Variants in SEMA3D observed in about 807,000 individuals in gnomAD.
SEMA3D encodes semaphorin 3D, also known as semaphorin-3D.
SEMA3D carries 84 observed loss-of-function variants against 100.1 expected under a neutral mutation model. The ratio of observed to expected loss-of-function variants is 0.84; its 90% CI spans 0.70 to 1.01. The LOEUF is 1.01. Ranked by LOEUF, SEMA3D falls within the 50% of genes least tolerant of loss-of-function variation. The pLI, the probability that SEMA3D is intolerant of heterozygous loss-of-function variation, is 0.00. For synonymous variants in SEMA3D, 312 were observed against 320.7 expected (o/e 0.97, Z 0.29); for missense variants, 875 against 934.1 (o/e 0.94, Z 0.82).
intron 1 of SEMA3D, among the ~76,000 whole-genome samples, chr7:85,177,813 G>A (rs1791281061): frequency 6.6e-6 from 1 of 152,190 alleles, no homozygotes. Flanking sequence ...GTAAATGGAA[G>A]TAGAGGAAAA....
chr7:85,141,341 T>C lies in SEMA3D; in HGVS notation c.-41+12267A>G, dbSNP rs1323309355. The C allele has an allele frequency of 4.1e-6, 4 of 984,558 alleles. No individual in the cohort carries two copies. In the Admixed American group the frequency reaches 1.8e-4, roughly 45 times the overall value. 61.0% of individuals were successfully genotyped at this position (984,558 alleles called of 1,614,324 possible). On this transcript the variant is annotated intron_variant, in intron 2 of 18. Coordinates refer to ENST00000284136, the MANE Select transcript of SEMA3D (RefSeq NM_001384900.1). ...CTTAATAATTTATTTCAAAACCATATGTCAACTAACTGCACAGTATGCCCT... is the reference window on the plus strand; with the variant it reads ...CTTAATAATTTATTTCAAAACCATACGTCAACTAACTGCACAGTATGCCCT...
the SEMA3D span, among the ~76,000 whole-genome samples, chr7:85,226,857 T>C: frequency 6.6e-6 from 1 of 152,186 alleles, no homozygotes; most frequent in Non-Finnish European, 1.5e-5. Flanking sequence ...CGTACTTCTT[T>C]ATTGAGTTTA....
intron 18 of SEMA3D, among the ~76,000 whole-genome samples, chr7:85,005,031 G>C (rs993719791): frequency 2.0e-5 from 3 of 151,756 alleles, no homozygotes; most frequent in Non-Finnish European, 4.4e-5. Context: ...GCAAATGTAA[G>C]TATCTAGAGC....
At chr7:85,052,205 G>C (rs1211601620) in intron 9 of SEMA3D, among the ~76,000 whole-genome samples, 4 of 151,894 alleles carry the variant, frequency 2.6e-5, no homozygotes, top group Admixed American at 2.0e-4. Flanking sequence ...AGGTCTCCCA[G>C]TCACAAATAT....
chr7:85,092,685 CATATT>C (rs1215678523), intron 4 of SEMA3D, among the ~76,000 whole-genome samples: 1 of 151,798 alleles, frequency 6.6e-6, no homozygotes. Flanking sequence ...TATAGAATAA[CATATT>C]ATGTAAGTCT....
At chr7:85,049,509 T>TAA (rs201275783) in intron 9 of SEMA3D, among the ~76,000 whole-genome samples, 1 of 144,230 alleles carries the variant, frequency 6.9e-6, no homozygotes. Context: ...TTCATTCAAT[T>TAA]AAAAAAAAAA....
At chr7:85,006,370 T>C (rs1789796635) in intron 18 of SEMA3D, among the ~76,000 whole-genome samples, 1 of 151,978 alleles carries the variant, frequency 6.6e-6, no homozygotes, top group Non-Finnish European at 1.5e-5. Flanking sequence ...TTTGCTCATA[T>C]AATTTGATAA....
intron 7 of SEMA3D, among the ~76,000 whole-genome samples, chr7:85,066,890 G>GCACACACACACA (rs1265828830): frequency 9.9e-6 from 1 of 100,706 alleles, no homozygotes; most frequent in African/African-American, 8.2e-5. Context: ...GGAAATGTGC[G>GCACACACACACA]CTCACACACA....
At chr7:85,225,970 G>C in the SEMA3D span, among the ~76,000 whole-genome samples, 2,597 of 152,126 alleles carry the variant, frequency 0.017, 56 homozygotes, top group South Asian at 0.069. Context: ...GGATTATAAA[G>C]CCTCCACATT....
chr7:85,170,060 A>T (rs1396910480), intron 1 of SEMA3D, among the ~76,000 whole-genome samples: 2 of 151,846 alleles, frequency 1.3e-5, no homozygotes, highest in Admixed American at 1.3e-4. Flanking sequence ...ATAGCAAAAG[A>T]TTTAAAAAAA....
At chr7:85,101,769 A>G (rs1488541290) in intron 3 of SEMA3D, among the ~76,000 whole-genome samples, 3 of 152,042 alleles carry the variant, frequency 2.0e-5, no homozygotes, top group African/African-American at 7.2e-5. Flanking sequence ...TAATTTATAT[A>G]AAGTTCTTAG....
rs1791184996 is a variant in SEMA3D at position 85,174,904 on chromosome 7, T to A, written c.-173+11774A>T. On this transcript the variant is annotated intron_variant, in intron 1 of 18. Transcript: ENST00000284136. Reference sequence around the variant, plus strand: ...GCCTGGTCCACATGGCTAATGCTGGTTTGCTCTGCTTATCAATTTAGGAAA... The same window carrying A: ...GCCTGGTCCACATGGCTAATGCTGGATTGCTCTGCTTATCAATTTAGGAAA... Among the ~76,000 whole-genome samples, 3 of 152,082 alleles carry A rather than the reference T, an allele frequency of 2.0e-5. No homozygotes were observed. In the South Asian group the frequency reaches 6.2e-4, roughly 32 times the overall value.
intron 2 of SEMA3D, chr7:85,144,544 A>G: frequency 1.0e-6 from 1 of 985,090 alleles, no homozygotes; most frequent in Non-Finnish European, 1.2e-6. Context: ...TAATAGAAAA[A>G]TGAACACAAT....
intron 1 of SEMA3D, among the ~76,000 whole-genome samples, chr7:85,175,435 G>T (rs1791198362): frequency 6.6e-6 from 1 of 152,110 alleles, no homozygotes; most frequent in African/African-American, 2.4e-5. Flanking sequence ...CCAAAAACTT[G>T]CCCTTTTGAA....
At chr7:85,121,619 A>T in intron 3 of SEMA3D, 122 bp downstream of exon 3, 1 of 581,962 alleles carries the variant, frequency 1.7e-6, no homozygotes, top group Non-Finnish European at 2.9e-6. Context: ...TTCTATTTTT[A>T]TGAACTGATG....
At chr7:85,192,956 A>T in the SEMA3D span, among the ~76,000 whole-genome samples, 6 of 152,136 alleles carry the variant, frequency 3.9e-5, no homozygotes, top group African/African-American at 1.4e-4. Flanking sequence ...TACATTTAAA[A>T]CTTACAATTC....
chr7:85,199,358 G>T, the SEMA3D span, among the ~76,000 whole-genome samples: 2 of 151,990 alleles, frequency 1.3e-5, no homozygotes, highest in African/African-American at 4.8e-5. Flanking sequence ...TATGGAGAAT[G>T]GTGTGTTCAA....
chr7:85,198,109 TAGG>T, the SEMA3D span, among the ~76,000 whole-genome samples: 1 of 152,124 alleles, frequency 6.6e-6, no homozygotes, highest in Non-Finnish European at 1.5e-5. Flanking sequence ...CCCACAAGAT[TAGG>T]AGAATTGACT....
Position 85,034,587 on chromosome 7 carries a change from A to G in SEMA3D, c.1191+2302T>C, listed in dbSNP as rs559328380. On this transcript the variant is annotated intron_variant, in intron 12 of 18. Transcript: ENST00000284136. ...GCACCACTGCACTTTGGCCTGGGCA[A>G]CAGAGCGAGACTCTGACAAAAAAAC... 1.8e-3 allele frequency among the ~76,000 whole-genome samples: 276 copies of G among 152,294 alleles called. 2 individuals are homozygous for G. The highest frequency in any genetic ancestry group is 6.2e-3 in the African/African-American group (259 of 41,568).
Sources: gnomAD v4.1 joint callset for allele counts (sites outside exome capture counted in the v4.1 genomes callset) on GRCh38, gnomAD v4.1.1 for gene constraint, MANE v1.5 for transcripts, NCBI Gene and HGNC (gene_info 2026-07-23, HGNC 2026-07-21) for gene names.